The following SASH1 variants were observed in gnomAD, a reference collection of about 807,000 sequenced individuals.
The protein encoded by SASH1 is SAM and SH3 domain-containing protein 1.
SASH1 carries 44 observed loss-of-function variants against 125.2 expected under a neutral mutation model. The observed-to-expected ratio is 0.35, with a 90% CI of 0.28 to 0.45. The LOEUF is 0.45. Ranked by LOEUF, SASH1 falls within the 20% of genes least tolerant of loss-of-function variation. The pLI, the probability that SASH1 is intolerant of heterozygous loss-of-function variation, is 1.00. For synonymous variants in SASH1, 639 were observed against 649.1 expected (o/e 0.98, Z 0.24); for missense variants, 1,426 against 1,614.5 (o/e 0.88, Z 2.00).
the SASH1 span, among the ~76,000 whole-genome samples, chr6:148,242,607 A>G: frequency 6.6e-6 from 1 of 152,220 alleles, no homozygotes; most frequent in African/African-American, 2.4e-5. Flanking sequence ...AAGCACGTTT[A>G]TCATTCACAA....
At chr6:148,412,689 G>C (rs1303327277) in intron 2 of SASH1, among the ~76,000 whole-genome samples, 1 of 152,112 alleles carries the variant, frequency 6.6e-6, no homozygotes, top group Non-Finnish European at 1.5e-5. Context: ...CATTACCATG[G>C]GGAGGGCAGC....
chr6:148,419,848 C>A (rs1784981968), intron 2 of SASH1, among the ~76,000 whole-genome samples: 1 of 152,128 alleles, frequency 6.6e-6, no homozygotes, highest in Non-Finnish European at 1.5e-5. Context: ...GTAATTAACA[C>A]CCTGGTGGTA....
chr6:148,531,181 A>G (rs1462695225), intron 12 of SASH1, among the ~76,000 whole-genome samples: 2 of 152,102 alleles, frequency 1.3e-5, no homozygotes, highest in African/African-American at 4.8e-5. Context: ...TACTTGATCT[A>G]CATTTGAAGT....
In SASH1 at chr6:148,440,172, G is replaced by A; in HGVS notation, c.286-12G>A. On this transcript the variant is annotated splice_polypyrimidine_tract_variant and intron_variant, in intron 2 of 19. Coordinates refer to ENST00000367467, the MANE Select transcript of SASH1 (RefSeq NM_015278.5). Reference sequence around the variant, plus strand: ...TGGAAGTCCCGTTAAACTGGCATCTGTTCTGTTTTAGGAGAAACCCGATGC... The same window carrying A: ...TGGAAGTCCCGTTAAACTGGCATCTATTCTGTTTTAGGAGAAACCCGATGC... 5 of 1,613,906 alleles carry A rather than the reference G, an allele frequency of 3.1e-6. No homozygotes were observed. The highest frequency in any genetic ancestry group is 4.2e-6 in the Non-Finnish European group (5 of 1,179,882).
At chr6:148,384,583 A>G (rs1783284167) in intron 1 of SASH1, among the ~76,000 whole-genome samples, 1 of 152,168 alleles carries the variant, frequency 6.6e-6, no homozygotes. Flanking sequence ...AACCTCATCT[A>G]CATTATTTAA....
chr6:148,519,575 G>C lies in SASH1; in HGVS notation c.891G>C (p.Ser297=). ...GGGAGGAGCACGTGTTTGAGAATTCGCCGGTCCTGGATGAACGGTCCGCCC... is the reference window on the plus strand; with the variant it reads ...GGGAGGAGCACGTGTTTGAGAATTCCCCGGTCCTGGATGAACGGTCCGCCC... The part of the protein sequence containing the change: ...EGGEEHVFEN[S]PVLDERSALY... Residue 297 remains serine, a synonymous_variant, in exon 10 of 20, where the codon TCG becomes TCC. Coordinates refer to ENST00000367467, the MANE Select transcript of SASH1 (RefSeq NM_015278.5). This position sits in a 1 kb window ranked among gnomAD's most constrained non-coding sequence, Gnocchi z 4.8. 2.6e-5 allele frequency: 42 copies of C among 1,613,996 alleles called. No individual in the cohort carries two copies. Among genetic ancestry groups the C allele is most frequent in the Non-Finnish European group, 3.5e-5 (41 of 1,179,892 alleles).
chr6:148,425,722 C>T (rs1483050665), intron 2 of SASH1, among the ~76,000 whole-genome samples: 2 of 101,444 alleles, frequency 2.0e-5, no homozygotes, highest in Admixed American at 1.0e-4. Context: ...ATCCCCCTCT[C>T]CCTTCCCCTC....
At chr6:148,475,154 T>G (rs1267537713) in intron 7 of SASH1, among the ~76,000 whole-genome samples, 1 of 152,158 alleles carries the variant, frequency 6.6e-6, no homozygotes, top group East Asian at 1.9e-4. Context: ...CTTTGAACAG[T>G]TGGTTCAGTA....
At chr6:148,201,588 T>C in the SASH1 span, among the ~76,000 whole-genome samples, 2,764 of 152,282 alleles carry the variant, frequency 0.018, 36 homozygotes, top group East Asian at 0.059. Context: ...TGAGAATTGC[T>C]GTCCTAGAGC....
At chr6:148,280,022 C>A (rs1172854023) in intron 1 of SASH1, among the ~76,000 whole-genome samples, 4 of 119,722 alleles carry the variant, frequency 3.3e-5, no homozygotes, top group South Asian at 3.5e-4. Flanking sequence ...AACACTCCCC[C>A]CTCCGACATT....
chr6:148,244,735 C>T, the SASH1 span, among the ~76,000 whole-genome samples: 103 of 152,326 alleles, frequency 6.8e-4, no homozygotes, highest in African/African-American at 2.4e-3. Context: ...AACTGGGTCA[C>T]AGCTGTGCTG....
intron 7 of SASH1, among the ~76,000 whole-genome samples, chr6:148,478,249 C>T (rs1366982727): frequency 4.6e-5 from 7 of 152,132 alleles, no homozygotes; most frequent in South Asian, 2.1e-4. Flanking sequence ...GTGCTGTTGA[C>T]GATCGCCAAG....
intron 1 of SASH1, among the ~76,000 whole-genome samples, chr6:148,310,322 A>C (rs1277606477): frequency 6.6e-6 from 1 of 152,068 alleles, no homozygotes; most frequent in African/African-American, 2.4e-5. Context: ...ACGTTGTCTC[A>C]AAACAAAACA....
At chr6:148,360,874 G>C (rs1055015375) in intron 1 of SASH1, among the ~76,000 whole-genome samples, 1 of 152,136 alleles carries the variant, frequency 6.6e-6, no homozygotes, top group Non-Finnish European at 1.5e-5. Flanking sequence ...AGGATACCTC[G>C]AAGTCCTAAT....
chr6:148,247,786 A>T, the SASH1 span, among the ~76,000 whole-genome samples: 2 of 152,236 alleles, frequency 1.3e-5, no homozygotes, highest in Admixed American at 6.5e-5. Context: ...CTAAAACCGA[A>T]TGTTAAGTTA....
At chr6:148,413,276 G>C (rs2114916039) in intron 2 of SASH1, among the ~76,000 whole-genome samples, 2 of 152,222 alleles carry the variant, frequency 1.3e-5, no homozygotes, top group East Asian at 3.8e-4. Context: ...ATGCTCTTGG[G>C]AGGAGGAAGA....
In SASH1 at chr6:148,533,903, C is replaced by T. The variant is rs747646577; in HGVS notation, c.1867C>T (p.Pro623Ser). 1.2e-6 allele frequency: 2 copies of T among 1,614,046 alleles called. No individual in the cohort carries two copies. Among genetic ancestry groups the T allele is most frequent in the South Asian group, 1.1e-5 (1 of 91,068 alleles). ...LSEDEEKPKR[P>S]TRRRRKGRPP... ...TGAAGACGAGGAGAAACCCAAACGC[C>T]CCACCAGGAGGCGTCGGAAAGGACG... The change falls in exon 15 of 20, where the codon CCC (proline) becomes TCC (serine). Residue 623 changes from proline (P) to serine (S), a missense_variant. By Grantham distance (74) the Pro-to-Ser change is moderately conservative. Coordinates refer to ENST00000367467, the MANE Select transcript of SASH1 (RefSeq NM_015278.5). This position sits in a 1 kb window ranked among gnomAD's most constrained non-coding sequence, Gnocchi z 6.2.
chr6:148,445,884 T>C (rs1048887874), intron 4 of SASH1, among the ~76,000 whole-genome samples: 2 of 152,072 alleles, frequency 1.3e-5, no homozygotes, highest in African/African-American at 2.4e-5. Flanking sequence ...GATATAGTGA[T>C]GGACAGAACT....
chr6:148,247,776 C>G, the SASH1 span, among the ~76,000 whole-genome samples: 58 of 152,296 alleles, frequency 3.8e-4, no homozygotes, highest in African/African-American at 1.3e-3. Context: ...TTCATAGAAA[C>G]TAAAACCGAA....
Sources: allele counts gnomAD v4.1 joint callset (sites outside exome capture counted in the v4.1 genomes callset), GRCh38; gene constraint gnomAD v4.1.1; non-coding constraint Gnocchi (gnomAD v3.1); transcripts MANE v1.5; gene names NCBI Gene and HGNC (gene_info 2026-07-23, HGNC 2026-07-21).